The following CAMKK2 variants were observed in gnomAD, a reference collection of about 807,000 sequenced individuals.
CAMKK2 encodes the protein calcium/calmodulin dependent protein kinase kinase 2, also known as calcium/calmodulin-dependent protein kinase kinase 2.
CAMKK2 carries 30 observed loss-of-function variants against 67.2 expected under a neutral mutation model. That is an observed-to-expected ratio of 0.45 (90% CI 0.33 to 0.61). The LOEUF is 0.61. Ranked by LOEUF, CAMKK2 falls within the 20% of genes least tolerant of loss-of-function variation. The probability of loss-of-function intolerance (pLI) is 0.02; values close to 1 mark genes in which losing one functional copy is unlikely to be tolerated. For synonymous variants in CAMKK2, 322 were observed against 326.2 expected, an observed-to-expected ratio of 0.99 and a Z score of 0.14; for missense variants, 643 against 802.0, an observed-to-expected ratio of 0.80 and a Z score of 2.39.
At position 121,245,395 on chromosome 12, in the gene CAMKK2, C is replaced by A. The variant is rs184193330; in HGVS notation, c.1453-155G>T. Among the ~76,000 whole-genome samples the A allele has an allele frequency of 5.3e-3, 802 of 152,324 alleles. 3 individuals carry two copies. The highest frequency in any genetic ancestry group is 9.4e-3 in the Non-Finnish European group (641 of 68,030). On this transcript the variant is annotated intron_variant, in intron 14 of 16. Coordinates refer to ENST00000404169, the MANE Select transcript of CAMKK2 (RefSeq NM_001270485.2). This position sits in a 1 kb window ranked among gnomAD's most constrained non-coding sequence, Gnocchi z 5.8. ...TTGAGAGAAACTGGGCAGCACCACC[C>A]CGCAACCAACCCCCGCCGAAAGAAT... is the stretch of plus-strand genomic sequence containing the variant.
At chr12:121,244,176 G>A (rs372478031) in intron 16 of CAMKK2, 19 of 1,594,972 alleles carry the variant, frequency 1.2e-5, no homozygotes, top group Admixed American at 7.0e-5. Flanking sequence ...AGCCCCTAGC[G>A]AAGAGCCACA....
intron 16 of CAMKK2, among the ~76,000 whole-genome samples, chr12:121,241,476 GGGA>G (rs974830676): frequency 5.3e-5 from 8 of 152,340 alleles, no homozygotes; most frequent in African/African-American, 1.9e-4. Flanking sequence ...TCTTGGAAGT[GGGA>G]GGAGGAGAGC....
intron 7 of CAMKK2, among the ~76,000 whole-genome samples, chr12:121,258,433 A>G (rs1892779771): frequency 6.6e-6 from 1 of 151,906 alleles, no homozygotes. Flanking sequence ...CCTGGCCTCA[A>G]GCAATCCTCC....
Position 121,267,103 on chromosome 12 carries a change from CTTTTTTTTT to C in CAMKK2, c.625+1526_625+1534del, listed in dbSNP as rs1200740861. 1.1e-4 allele frequency among the ~76,000 whole-genome samples: 4 copies of C among 35,112 alleles called. No individual in the cohort carries two copies. The East Asian group carries it at 3.4e-3, about 30-fold the overall frequency. The allele number at this position is 35,112 out of a possible 152,430, so 23.0% of individuals were successfully genotyped here. On this transcript the variant is annotated intron_variant, in intron 5 of 16. Transcript: ENST00000404169. The stretch of plus-strand genomic sequence containing the variant: ...TGGTATTTAAATTTTTTTAATTTAT[CTTTTTTTTT>C]TTTTTTTTTTTTTGAGAGATGGAGT...
intron 1 of CAMKK2, among the ~76,000 whole-genome samples, chr12:121,283,119 A>ACAG (rs1432576218): frequency 4.6e-5 from 7 of 152,148 alleles, no homozygotes; most frequent in African/African-American, 1.7e-4. Context: ...GGAAGATAAT[A>ACAG]CAGCACCCCA....
At position 121,274,191 on chromosome 12, in the gene CAMKK2, A is replaced by C; in HGVS notation, c.336T>G (p.Gly112=). 1 of 1,601,266 alleles carries C rather than the reference A, an allele frequency of 6.2e-7. No individual in the cohort carries two copies. Among genetic ancestry groups the C allele is most frequent in the Non-Finnish European group, 8.5e-7 (1 of 1,171,980 alleles). The part of the protein sequence containing the change: ...QERSQGGLAA[G]GSLDMNGRCI... ...AGCGTCCGTTCATGTCCAGGCTGCCACCGGCTGCCAGCCCACCCTGGGACC... is the reference window on the plus strand; with the variant it reads ...AGCGTCCGTTCATGTCCAGGCTGCCCCCGGCTGCCAGCCCACCCTGGGACC... Residue 112 remains glycine, a synonymous_variant, in exon 2 of 17, where the codon GGT becomes GGG. Coordinates refer to ENST00000404169, the MANE Select transcript of CAMKK2 (RefSeq NM_001270485.2).
At chr12:121,274,918 C>T (rs1429958252) in intron 1 of CAMKK2, among the ~76,000 whole-genome samples, 4 of 151,414 alleles carry the variant, frequency 2.6e-5, no homozygotes, top group African/African-American at 7.3e-5. Context: ...AGTGATCCTC[C>T]CATCTCAGCC....
At chr12:121,247,897 C>T (rs1047642025) in intron 14 of CAMKK2, among the ~76,000 whole-genome samples, 7 of 152,296 alleles carry the variant, frequency 4.6e-5, no homozygotes, top group Non-Finnish European at 7.4e-5. Context: ...CCAGGCCTTT[C>T]GAGGTGGCTG....
At chr12:121,261,636 G>A (rs769677330) in intron 6 of CAMKK2, among the ~76,000 whole-genome samples, 5 of 152,214 alleles carry the variant, frequency 3.3e-5, no homozygotes, top group Non-Finnish European at 5.9e-5. Context: ...GGCCTTGTCC[G>A]CCTAGAGTTC....
intron 10 of CAMKK2, among the ~76,000 whole-genome samples, chr12:121,252,963 G>C (rs541818732): frequency 6.6e-6 from 1 of 152,168 alleles, no homozygotes; most frequent in African/African-American, 2.4e-5. Context: ...GCCAACCCCA[G>C]GGTTTTCACA....
At chr12:121,248,422 C>T (rs1213455016) in intron 14 of CAMKK2, among the ~76,000 whole-genome samples, 184 bp downstream of exon 14, 1 of 152,224 alleles carries the variant, frequency 6.6e-6, no homozygotes, top group Non-Finnish European at 1.5e-5. Context: ...TGGAACCTGG[C>T]TCAGAAGATG....
chr12:121,288,327 C>T (rs886965449), intron 1 of CAMKK2, among the ~76,000 whole-genome samples: 84 of 152,302 alleles, frequency 5.5e-4, no homozygotes, highest in Non-Finnish European at 9.0e-4. Flanking sequence ...GGCCCCTCTC[C>T]CTCCCTCCTC....
chr12:121,243,598 C>T (rs200376234), intron 16 of CAMKK2: 50 of 156,528 alleles, frequency 3.2e-4, no homozygotes, highest in Non-Finnish European at 2.1e-4. Flanking sequence ...TAGTGTATGA[C>T]GCCATTTATA....
chr12:121,269,439 C>T, intron 4 of CAMKK2, 89 bp downstream of exon 4: 1 of 1,012,616 alleles, frequency 9.9e-7, no homozygotes, highest in Non-Finnish European at 1.5e-6. Flanking sequence ...GAGACAACAG[C>T]TAGGAAAACT....
chr12:121,272,058 C>A (rs1365847260), intron 2 of CAMKK2, among the ~76,000 whole-genome samples: 2 of 152,122 alleles, frequency 1.3e-5, no homozygotes, highest in Non-Finnish European at 2.9e-5. Flanking sequence ...CCAGGCTGGT[C>A]TCAAACTCCT....
intron 5 of CAMKK2, among the ~76,000 whole-genome samples, chr12:121,267,097 A>ATTT (rs1894758760): frequency 1.8e-5 from 1 of 56,968 alleles, no homozygotes; most frequent in African/African-American, 7.1e-5. Flanking sequence ...AATTTTTTTA[A>ATTT]TTTATCTTTT....
At chr12:121,278,786 C>G (rs909756146) in intron 1 of CAMKK2, among the ~76,000 whole-genome samples, 2 of 152,222 alleles carry the variant, frequency 1.3e-5, no homozygotes, top group Admixed American at 1.3e-4. Flanking sequence ...ATGTCTTTAT[C>G]AGCAGCGTGA....
At chr12:121,249,896 G>A (rs752952875) in intron 12 of CAMKK2, 22 bp from the exon 13 acceptor site, 2 of 1,612,634 alleles carry the variant, frequency 1.2e-6, no homozygotes, top group East Asian at 4.5e-5. Context: ...GAGGCGTCAG[G>A]GTGGCAGACA....
intron 9 of CAMKK2, among the ~76,000 whole-genome samples, chr12:121,255,055 T>A (rs1891586285): frequency 6.7e-6 from 1 of 149,528 alleles, no homozygotes. Context: ...CCTATCTGGA[T>A]GCTTCCTGCC....
Sources: gnomAD v4.1 joint callset for allele counts (sites outside exome capture counted in the v4.1 genomes callset) on GRCh38, gnomAD v4.1.1 for gene constraint, Gnocchi (gnomAD v3.1) non-coding constraint, MANE v1.5 for transcripts, NCBI Gene and HGNC (gene_info 2026-07-23, HGNC 2026-07-21) for gene names.